Variants in PRKCH observed in about 807,000 individuals in gnomAD.
The protein encoded by PRKCH is protein kinase C eta.
PRKCH carries 28 observed loss-of-function variants against 82.5 expected under a neutral mutation model. The observed-to-expected ratio is 0.34, with a 90% CI of 0.25 to 0.47. The LOEUF is 0.47. Among genes scored for constraint, PRKCH ranks in the 20% least tolerant of loss-of-function variants. The pLI, the probability that PRKCH is intolerant of heterozygous loss-of-function variation, is 1.00. For missense variants in PRKCH, 705 were observed against 881.8 expected (o/e 0.80, Z 2.54); for synonymous variants, 322 against 327.4 (o/e 0.98, Z 0.18).
chr14:61,485,190 A>G (rs902857107), intron 9 of PRKCH, among the ~76,000 whole-genome samples: 9 of 152,164 alleles, frequency 5.9e-5, no homozygotes, highest in South Asian at 2.1e-4. Context: ...TTCTCTCTCC[A>G]GGTACATGAC....
intron 1 of PRKCH, chr14:61,306,393 G>C (rs2045485855): frequency 6.6e-6 from 1 of 152,156 alleles, no homozygotes; most frequent in African/African-American, 2.4e-5. Context: ...CAAATTTCAG[G>C]GATGACAACT....
chr14:61,225,542 G>A (rs1174989569), intron 1 of PRKCH, among the ~76,000 whole-genome samples: 2 of 152,334 alleles, frequency 1.3e-5, no homozygotes, highest in Non-Finnish European at 2.9e-5. Context: ...CACAGGCCAC[G>A]CAGCATGGAG....
chr14:61,213,921 C>T (rs1480628456), intron 1 of PRKCH, among the ~76,000 whole-genome samples: 2 of 152,218 alleles, frequency 1.3e-5, no homozygotes, highest in Non-Finnish European at 2.9e-5. Flanking sequence ...GGAAACAAGC[C>T]AGACCCAGAC....
intron 9 of PRKCH, among the ~76,000 whole-genome samples, chr14:61,467,301 T>C (rs866892245): frequency 6.6e-6 from 1 of 152,240 alleles, no homozygotes; most frequent in South Asian, 2.1e-4. Context: ...TGTTCCTTAC[T>C]TCTGGACCTG....
intron 1 of PRKCH, among the ~76,000 whole-genome samples, chr14:61,271,812 C>T (rs1214021113): frequency 1.3e-5 from 2 of 152,230 alleles, no homozygotes; most frequent in Non-Finnish European, 2.9e-5. Flanking sequence ...TGAAGTCACA[C>T]TGCCCTCAGC....
At chr14:61,243,444 G>C (rs940143656) in intron 1 of PRKCH, among the ~76,000 whole-genome samples, 1 of 151,162 alleles carries the variant, frequency 6.6e-6, no homozygotes, top group Admixed American at 6.6e-5. Context: ...GAGAGAAAGA[G>C]GAAGATATTC....
intron 1 of PRKCH, among the ~76,000 whole-genome samples, chr14:61,250,757 A>G (rs553447506): frequency 6.6e-6 from 1 of 152,248 alleles, no homozygotes; most frequent in South Asian, 2.1e-4. Context: ...GTACCAATGT[A>G]GGTTCATCGA....
At chr14:61,335,493 A>G (rs2045844992) in intron 1 of PRKCH, among the ~76,000 whole-genome samples, 1 of 152,160 alleles carries the variant, frequency 6.6e-6, no homozygotes, top group African/African-American at 2.4e-5. Context: ...AAAACTATAC[A>G]TTTATGGCTG....
At chr14:61,438,597 G>T (rs1041180466) in intron 2 of PRKCH, among the ~76,000 whole-genome samples, 1 of 152,190 alleles carries the variant, frequency 6.6e-6, no homozygotes, top group Non-Finnish European at 1.5e-5. Context: ...TGTATTTACT[G>T]TTTTTGAGTT....
intron 2 of PRKCH, among the ~76,000 whole-genome samples, chr14:61,393,856 G>A (rs1006664186): frequency 3.9e-5 from 6 of 152,260 alleles, no homozygotes; most frequent in Admixed American, 2.6e-4. Context: ...CCCTACAAAT[G>A]TGGGTCTCAC....
At chr14:61,217,690 T>C (rs886258677) in intron 1 of PRKCH, among the ~76,000 whole-genome samples, 3 of 152,120 alleles carry the variant, frequency 2.0e-5, no homozygotes, top group Admixed American at 1.3e-4. Context: ...CCAGAAGAAG[T>C]TGGGGCCAGG....
At chr14:61,353,091 T>C (rs939730636) in intron 1 of PRKCH, among the ~76,000 whole-genome samples, 16 of 152,192 alleles carry the variant, frequency 1.1e-4, no homozygotes, top group African/African-American at 3.6e-4. Flanking sequence ...ACAACAAATG[T>C]TACAAAATTT....
At chr14:61,443,380 T>C (rs1884069778) in intron 3 of PRKCH, 119 bp downstream of exon 3, 2 of 1,101,464 alleles carry the variant, frequency 1.8e-6, no homozygotes, top group East Asian at 2.7e-5. Context: ...ATCTGATTTT[T>C]GCCTCTTACT....
intron 9 of PRKCH, among the ~76,000 whole-genome samples, chr14:61,475,735 G>A (rs947596727): frequency 1.3e-5 from 2 of 152,150 alleles, no homozygotes; most frequent in Non-Finnish European, 2.9e-5. Flanking sequence ...AGAAGTGTAT[G>A]TTTTTTACTT....
intron 1 of PRKCH, among the ~76,000 whole-genome samples, chr14:61,270,824 A>T (rs2045145256): frequency 6.6e-6 from 1 of 152,168 alleles, no homozygotes; most frequent in South Asian, 2.1e-4. Context: ...AAATTTAAAA[A>T]TTAGCTGGGT....
At position 61,413,409 on chromosome 14, in the gene PRKCH, CCCCCG is replaced by C. The variant is rs202120427; in HGVS notation, c.427+22130_427+22134del. ...TCATCATTTCTTTTTAAGCGCCCCCCCCCCGCCCCGCCCATGTACCCTGTGCCTAT... is the reference window on the plus strand; with the variant it reads ...TCATCATTTCTTTTTAAGCGCCCCCCCCCCGCCCATGTACCCTGTGCCTAT... On this transcript the variant is annotated intron_variant, in intron 2 of 13. Transcript: ENST00000332981. 2.2e-3 allele frequency among the ~76,000 whole-genome samples: 153 copies of C among 68,586 alleles called. 1 individual carries two copies. The highest frequency in any genetic ancestry group is 3.4e-3 in the East Asian group (6 of 1,772). The allele number at this position is 68,586 out of a possible 152,430, so 45.0% of individuals were successfully genotyped here. A position where few individuals can be genotyped will look rare whatever the true frequency, so the allele number is the denominator to read the frequency against.
intron 10 of PRKCH, among the ~76,000 whole-genome samples, chr14:61,509,035 T>G (rs1052987152): frequency 1.8e-4 from 27 of 152,076 alleles, no homozygotes; most frequent in Non-Finnish European, 3.4e-4. Flanking sequence ...ATTCCTGTAA[T>G]GCATTGTTAG....
intron 1 of PRKCH, among the ~76,000 whole-genome samples, chr14:61,282,661 A>T (rs1335752617): frequency 1.3e-5 from 2 of 152,220 alleles, no homozygotes; most frequent in Non-Finnish European, 2.9e-5. Context: ...TATGAATCAT[A>T]GGGTGTAATC....
chr14:61,368,156 G>A (rs2046321198), intron 1 of PRKCH, among the ~76,000 whole-genome samples: 1 of 151,956 alleles, frequency 6.6e-6, no homozygotes, highest in Non-Finnish European at 1.5e-5. Context: ...CCAGCCGGCT[G>A]CTAAGCCCTT....
Sources: allele counts gnomAD v4.1 joint callset (sites outside exome capture counted in the v4.1 genomes callset), GRCh38; gene constraint gnomAD v4.1.1; transcripts MANE v1.5; gene names NCBI Gene and HGNC (gene_info 2026-07-23, HGNC 2026-07-21).